CHAT: variants seen among roughly 807,000 people sequenced by gnomAD.
CHAT encodes acetyl CoA:choline O-acetyltransferase.
In CHAT, 61 loss-of-function variants were observed where a neutral mutation model predicts 76.9. That is an observed-to-expected ratio of 0.79 (90% CI 0.65 to 0.98). The LOEUF (loss-of-function observed/expected upper bound fraction) is 0.98. Among genes scored for constraint, CHAT ranks in the 50% least tolerant of loss-of-function variants. The pLI is 0.00. For synonymous variants in CHAT, 407 were observed against 397.4 expected (o/e 1.02, Z -0.29); for missense variants, 946 against 986.9 (o/e 0.96, Z 0.56).
At chr10:49,633,979 G>A (rs1234244495) in intron 7 of CHAT, among the ~76,000 whole-genome samples, 2 of 152,214 alleles carry the variant, frequency 1.3e-5, no homozygotes, top group Non-Finnish European at 2.9e-5. Context: ...TTTACGTATC[G>A]TCATCCAGAG....
upstream of CHAT, chr10:49,611,385 C>G (rs767469973): frequency 6.3e-7 from 1 of 1,598,964 alleles, no homozygotes; most frequent in Admixed American, 1.7e-5. Context: ...GTGCACTGGG[C>G]GTGGCGCTGG....
At chr10:49,610,659 C>T (rs1838264007), upstream of CHAT, 4 of 1,367,716 alleles carry the variant, frequency 2.9e-6, no homozygotes, top group Non-Finnish European at 3.8e-6. Context: ...TCCCCGAAGT[C>T]CCGTGCCCTC....
At chr10:49,641,855 G>A (rs754478790) in intron 7 of CHAT, among the ~76,000 whole-genome samples, 3 of 152,190 alleles carry the variant, frequency 2.0e-5, no homozygotes, top group Non-Finnish European at 4.4e-5. Context: ...TATGTCCGGG[G>A]GTACTTGTGC....
intron 7 of CHAT, 36 bp from the exon 8 acceptor site, chr10:49,646,469 G>A: frequency 6.2e-7 from 1 of 1,613,308 alleles, no homozygotes; most frequent in Non-Finnish European, 8.5e-7. Flanking sequence ...GCCTGGAGCG[G>A]GACAGGTGCT....
upstream of CHAT, chr10:49,612,121 C>T (rs1222945458): frequency 3.7e-6 from 6 of 1,612,340 alleles, no homozygotes; most frequent in Non-Finnish European, 5.1e-6. Context: ...GGCCAACCTG[C>T]TCTATGCTCC....
At chr10:49,614,538 G>A in intron 1 of CHAT, 63 bp downstream of exon 1, 3 of 1,445,314 alleles carry the variant, frequency 2.1e-6, no homozygotes, top group African/African-American at 1.4e-5. Context: ...CGGCGGTCGG[G>A]GGCTCTATCC....
intron 8 of CHAT, among the ~76,000 whole-genome samples, chr10:49,647,659 T>G (rs1839716356): frequency 6.6e-6 from 1 of 152,258 alleles, no homozygotes; most frequent in Non-Finnish European, 1.5e-5. Flanking sequence ...TCATCTTTCA[T>G]GGAGCTGTGG....
chr10:49,628,452 G>A (rs1839000904), intron 7 of CHAT, among the ~76,000 whole-genome samples: 3 of 152,168 alleles, frequency 2.0e-5, no homozygotes, highest in Non-Finnish European at 4.4e-5. Flanking sequence ...TTACCCCTCA[G>A]AATTTTACTG....
At chr10:49,635,780 G>A (rs374389991) in intron 7 of CHAT, among the ~76,000 whole-genome samples, 14 of 152,100 alleles carry the variant, frequency 9.2e-5, no homozygotes, top group East Asian at 7.7e-4. Context: ...GAACTTGCTC[G>A]ACCTGATACG....
At chr10:49,652,035 C>G in intron 11 of CHAT, 29 bp downstream of exon 11, 2 of 1,614,078 alleles carry the variant, frequency 1.2e-6, no homozygotes, top group Non-Finnish European at 1.7e-6. Flanking sequence ...AGTCTGTACC[C>G]TGGAGGGCTG....
At chr10:49,646,464 G>C in intron 7 of CHAT, 41 bp from the exon 8 acceptor site, 5 of 1,612,704 alleles carry the variant, frequency 3.1e-6, no homozygotes, top group Non-Finnish European at 4.2e-6. Flanking sequence ...GACTGGCCTG[G>C]AGCGGGACAG....
At chr10:49,622,912 AT>A (rs1405834311) in intron 5 of CHAT, among the ~76,000 whole-genome samples, 1 of 152,164 alleles carries the variant, frequency 6.6e-6, no homozygotes, top group Admixed American at 6.5e-5. Flanking sequence ...ACTTGACTCA[AT>A]TCAGTCTTTA....
At chr10:49,630,913 C>G (rs182944371) in intron 7 of CHAT, among the ~76,000 whole-genome samples, 1 of 152,140 alleles carries the variant, frequency 6.6e-6, no homozygotes, top group South Asian at 2.1e-4. Flanking sequence ...AAGATGAAAT[C>G]GACTGTGTGA....
intron 13 of CHAT, among the ~76,000 whole-genome samples, chr10:49,661,745 T>A (rs1438162554): frequency 2.6e-5 from 4 of 151,998 alleles, no homozygotes; most frequent in Non-Finnish European, 5.9e-5. Context: ...GCCCCTAGAA[T>A]TGCTCCAAAT....
chr10:49,655,723 T>C (rs1202732315), intron 13 of CHAT, among the ~76,000 whole-genome samples: 1 of 152,186 alleles, frequency 6.6e-6, no homozygotes, highest in Non-Finnish European at 1.5e-5. Context: ...GCACCTAATA[T>C]GTATAGCATC....
chr10:49,629,510 A>G (rs1839040955), intron 7 of CHAT, among the ~76,000 whole-genome samples: 1 of 152,230 alleles, frequency 6.6e-6, no homozygotes, highest in Non-Finnish European at 1.5e-5. Flanking sequence ...TCTCCCCTTC[A>G]GGGACAGAGA....
At chr10:49,636,473 T>C (rs924849742) in intron 7 of CHAT, among the ~76,000 whole-genome samples, 2 of 152,172 alleles carry the variant, frequency 1.3e-5, no homozygotes, top group Non-Finnish European at 2.9e-5. Context: ...TATAGTTGGT[T>C]TGGTTTTTTG....
chr10:49,639,898 A>G (rs1040783809), intron 7 of CHAT, among the ~76,000 whole-genome samples: 32 of 152,084 alleles, frequency 2.1e-4, no homozygotes, highest in African/African-American at 7.5e-4. Flanking sequence ...CTTTTCCCCC[A>G]GTCTAATCAG....
intron 7 of CHAT, among the ~76,000 whole-genome samples, chr10:49,635,543 G>A (rs55654749): frequency 0.038 from 5,723 of 152,226 alleles, 244 homozygotes; most frequent in East Asian, 0.24. Context: ...TTACATTCCT[G>A]TCAGCAATAT....
Sources: allele counts gnomAD v4.1 joint callset (sites outside exome capture counted in the v4.1 genomes callset), GRCh38; gene constraint gnomAD v4.1.1; transcripts MANE v1.5; gene names NCBI Gene and HGNC (gene_info 2026-07-23, HGNC 2026-07-21).